EPB41L4B: variants seen among roughly 807,000 people sequenced by gnomAD.
EPB41L4B encodes the protein band 4.1-like protein 4B.
In EPB41L4B, 30 loss-of-function variants were observed where a neutral mutation model predicts 112.5. The ratio of observed to expected loss-of-function variants is 0.27; its 90% CI spans 0.20 to 0.36. The LOEUF is 0.36. EPB41L4B is among the 10% of genes least tolerant of loss of function. The pLI is 1.00. For missense variants in EPB41L4B, 1,024 were observed against 1,133.3 expected (o/e 0.90, Z 1.38); for synonymous variants, 408 against 439.7 (o/e 0.93, Z 0.90).
intron 15 of EPB41L4B, among the ~76,000 whole-genome samples, chr9:109,232,735 GT>G: frequency 6.6e-6 from 1 of 152,352 alleles, no homozygotes; most frequent in East Asian, 1.9e-4. Flanking sequence ...AGACACCAAT[GT>G]GAGTCAGAGT....
rs563515527 is a variant in EPB41L4B, at chr9:109,172,420, G to A, written c.*2134C>T. 14 of 152,322 alleles carry A rather than the reference G, an allele frequency of 9.2e-5. No homozygotes were observed. Among genetic ancestry groups the A allele is most frequent in the Admixed American group, 9.2e-4 (14 of 15,298 alleles). 9.4% of individuals were successfully genotyped at this position (152,322 alleles called of 1,614,324 possible). A position where few individuals can be genotyped will look rare whatever the true frequency, so the allele number is the denominator to read the frequency against. The stretch of plus-strand genomic sequence containing the variant: ...CACAAGATAAAGAACAGCTAAAGCT[G>A]TTTTAAAAGTATAGCCGGGGGACAT... On this transcript the variant is annotated 3_prime_UTR_variant, in exon 26 of 26. Coordinates refer to ENST00000374566, the MANE Select transcript of EPB41L4B (RefSeq NM_019114.5).
intron 17 of EPB41L4B, among the ~76,000 whole-genome samples, chr9:109,209,232 T>C (rs1318645996): frequency 6.6e-6 from 1 of 151,420 alleles, no homozygotes; most frequent in Non-Finnish European, 1.5e-5. Flanking sequence ...TGAGGTAGAG[T>C]TTCCCAGGGG....
At chr9:109,280,806 A>G (rs538966619) in intron 1 of EPB41L4B, among the ~76,000 whole-genome samples, 63 of 143,466 alleles carry the variant, frequency 4.4e-4, no homozygotes, top group African/African-American at 1.6e-3. Flanking sequence ...AATCACAAAG[A>G]AAAAAAAAAA....
At chr9:109,250,689 G>A (rs1280281847) in intron 13 of EPB41L4B, among the ~76,000 whole-genome samples, 4 of 152,308 alleles carry the variant, frequency 2.6e-5, no homozygotes, top group Admixed American at 6.5e-5. Flanking sequence ...CTGATTCAAT[G>A]CGCCTGGGGT....
chr9:109,211,200 C>T (rs983654542), intron 17 of EPB41L4B, among the ~76,000 whole-genome samples: 1 of 152,022 alleles, frequency 6.6e-6, no homozygotes. Flanking sequence ...AAAAGCCATC[C>T]AAGCCAGTGG....
intron 23 of EPB41L4B, among the ~76,000 whole-genome samples, chr9:109,183,475 G>C (rs1299549024): frequency 6.6e-6 from 1 of 152,148 alleles, no homozygotes; most frequent in Non-Finnish European, 1.5e-5. Context: ...TCTGAAAAAG[G>C]CCAGACGAAC....
chr9:109,227,185 CTTAA>C (rs1375190478), intron 15 of EPB41L4B, among the ~76,000 whole-genome samples: 7 of 152,062 alleles, frequency 4.6e-5, no homozygotes, highest in Non-Finnish European at 1.0e-4. Context: ...ATCAGACTGT[CTTAA>C]TTACTTTTGT....
chr9:109,235,798 C>T lies in EPB41L4B; in HGVS notation c.1409+7820G>A, dbSNP rs73527100. On this transcript the variant is annotated intron_variant, in intron 15 of 25. Coordinates refer to ENST00000374566, the MANE Select transcript of EPB41L4B (RefSeq NM_019114.5). Reference sequence around the variant, plus strand: ...TTACCATCTAGCATCAAACACTGCGCAAAACATCTTTTGTATATAATGTCA... The same window carrying T: ...TTACCATCTAGCATCAAACACTGCGTAAAACATCTTTTGTATATAATGTCA... 4.6e-3 allele frequency among the ~76,000 whole-genome samples: 708 copies of T among 152,322 alleles called. 3 individuals are homozygous for T. Among genetic ancestry groups the T allele is most frequent in the African/African-American group, 0.016 (679 of 41,576 alleles).
intron 3 of EPB41L4B, among the ~76,000 whole-genome samples, chr9:109,268,070 T>G (rs945806385): frequency 6.6e-6 from 1 of 152,238 alleles, no homozygotes; most frequent in Non-Finnish European, 1.5e-5. Flanking sequence ...CCTCTGAGTC[T>G]ATGTTGTAAC....
At chr9:109,227,124 C>G (rs796727895) in intron 15 of EPB41L4B, among the ~76,000 whole-genome samples, 23 of 152,286 alleles carry the variant, frequency 1.5e-4, no homozygotes, top group African/African-American at 4.8e-4. Flanking sequence ...AGGCATGAGC[C>G]TCTGTGCCTG....
intron 24 of EPB41L4B, among the ~76,000 whole-genome samples, chr9:109,178,960 A>G (rs77697372): frequency 0.01 from 1,517 of 150,746 alleles, 28 homozygotes; most frequent in African/African-American, 0.035. Context: ...AGCAGTAAAA[A>G]TTACATTATT....
intron 2 of EPB41L4B, among the ~76,000 whole-genome samples, chr9:109,276,154 TACACACACACACACACACACACACAC>T (rs66791042): frequency 1.1e-4 from 15 of 141,758 alleles, no homozygotes; most frequent in African/African-American, 3.1e-4. Flanking sequence ...CGTGTGTGTA[TACACACACACACACACACACACACAC>T]ACACACACAC....
At chr9:109,200,473 C>T (rs1832785957) in intron 19 of EPB41L4B, 139 bp from the exon 20 acceptor site, 1 of 550,620 alleles carries the variant, frequency 1.8e-6, no homozygotes, top group Admixed American at 3.2e-5. Flanking sequence ...TGCCTTTCTA[C>T]CGTACTTAGT....
chr9:109,224,847 A>C (rs1247133647), intron 15 of EPB41L4B, among the ~76,000 whole-genome samples: 1 of 152,110 alleles, frequency 6.6e-6, no homozygotes, highest in African/African-American at 2.4e-5. Context: ...CATTTTGCAC[A>C]TGGGGGGATG....
intron 22 of EPB41L4B, among the ~76,000 whole-genome samples, chr9:109,187,490 A>G (rs1189559987): frequency 6.8e-6 from 1 of 147,264 alleles, no homozygotes; most frequent in Admixed American, 7.2e-5. Flanking sequence ...CATCTGAGTC[A>G]CCTGCAGTTA....
At chr9:109,318,684 C>A (rs1233880782) in intron 1 of EPB41L4B, among the ~76,000 whole-genome samples, 1 of 152,156 alleles carries the variant, frequency 6.6e-6, no homozygotes, top group East Asian at 1.9e-4. Context: ...GAATAAAAAG[C>A]TGGAGAGCCT....
intron 22 of EPB41L4B, among the ~76,000 whole-genome samples, chr9:109,191,977 A>T (rs1169827737): frequency 6.6e-6 from 1 of 152,180 alleles, no homozygotes; most frequent in East Asian, 1.9e-4. Context: ...GCAGTCCAGG[A>T]AGCCAAGAAG....
intron 20 of EPB41L4B, among the ~76,000 whole-genome samples, chr9:109,195,174 T>C (rs181241674): frequency 6.6e-6 from 1 of 152,306 alleles, no homozygotes; most frequent in Non-Finnish European, 1.5e-5. Context: ...TCCCTAAGGA[T>C]CTGCCATGTA....
chr9:109,229,424 C>G (rs1195330922), intron 15 of EPB41L4B, among the ~76,000 whole-genome samples: 1 of 152,194 alleles, frequency 6.6e-6, no homozygotes, highest in African/African-American at 2.4e-5. Context: ...CTTCCCCTAT[C>G]CAAAGTCGCA....
Sources: allele counts gnomAD v4.1 joint callset (sites outside exome capture counted in the v4.1 genomes callset), GRCh38; gene constraint gnomAD v4.1.1; transcripts MANE v1.5; gene names NCBI Gene and HGNC (gene_info 2026-07-23, HGNC 2026-07-21).